The following PRDM16 variants were observed in gnomAD, a reference collection of about 807,000 sequenced individuals.
PRDM16 encodes histone-lysine N-methyltransferase PRDM16.
PRDM16 carries 23 observed loss-of-function variants against 110.6 expected under a neutral mutation model. The observed-to-expected ratio is 0.21, with a 90% CI of 0.15 to 0.29. The LOEUF (loss-of-function observed/expected upper bound fraction) is 0.29. PRDM16 is among the 10% of genes least tolerant of loss of function. The pLI is 1.00. For missense variants in PRDM16, 1,615 were observed against 1,794.3 expected (o/e 0.90, Z 1.81); for synonymous variants, 799 against 781.8 (o/e 1.02, Z -0.37).
chr1:3,181,099 CAGTCTTACACG>C (rs1644157302), intron 1 of PRDM16, among the ~76,000 whole-genome samples: 3 of 22,256 alleles, frequency 1.3e-4, no homozygotes, highest in Non-Finnish European at 6.9e-4. Flanking sequence ...CTTACACACG[CAGTCTTACACG>C]CGGCCTTACA....
intron 2 of PRDM16, among the ~76,000 whole-genome samples, chr1:3,241,088 C>T (rs1246581631): frequency 6.6e-6 from 1 of 152,174 alleles, no homozygotes; most frequent in African/African-American, 2.4e-5. Context: ...AGCCGGGGAG[C>T]GCGTCCCGCC....
intron 4 of PRDM16, among the ~76,000 whole-genome samples, chr1:3,389,867 C>T (rs1196148975): frequency 6.6e-6 from 1 of 151,826 alleles, no homozygotes; most frequent in Non-Finnish European, 1.5e-5. Flanking sequence ...TCGTGGGGGA[C>T]TTTGACTTGC....
At position 3,209,991 on chromosome 1, in the gene PRDM16, T is replaced by C. The variant is rs1030447975; in HGVS notation, c.387+23517T>C. 6.6e-6 allele frequency among the ~76,000 whole-genome samples: 1 copy of C among 152,240 alleles called. No individual in the cohort carries two copies. Among genetic ancestry groups the C allele is most frequent in the Non-Finnish European group, 1.5e-5 (1 of 68,050 alleles). On this transcript the variant is annotated intron_variant, in intron 2 of 16. Coordinates refer to ENST00000270722, the MANE Select transcript of PRDM16 (RefSeq NM_022114.4). The surrounding 1 kb of genome is among the most constrained non-coding windows in gnomAD (Gnocchi z 4.6). Reference sequence around the variant, plus strand: ...CTAGAGACATTTGCAGGAAGGTATTTGACACATTAAAGCCAATTTTCTTTC... The same window carrying C: ...CTAGAGACATTTGCAGGAAGGTATTCGACACATTAAAGCCAATTTTCTTTC...
At chr1:3,219,956 C>T (rs1276271260) in intron 2 of PRDM16, among the ~76,000 whole-genome samples, 4 of 152,132 alleles carry the variant, frequency 2.6e-5, no homozygotes, top group Admixed American at 6.5e-5. Flanking sequence ...GGGGAGATGG[C>T]GAGGCTGCGG....
chr1:3,295,256 G>T (rs576974316), intron 3 of PRDM16, among the ~76,000 whole-genome samples: 7 of 152,338 alleles, frequency 4.6e-5, no homozygotes, highest in African/African-American at 1.7e-4. Flanking sequence ...AGGACAGCTG[G>T]CTTGCAGGGT....
rs972939307 is a variant in PRDM16 at position 3,290,153 on chromosome 1, T to G, written c.438+46016T>G. Reference sequence around the variant, plus strand: ...GATGTGACAAACCCGGGCGCTGTTCTCCTGGGTATCACACCCTACGACTCC... The same window carrying G: ...GATGTGACAAACCCGGGCGCTGTTCGCCTGGGTATCACACCCTACGACTCC... On this transcript the variant is annotated intron_variant, in intron 3 of 16. Coordinates refer to ENST00000270722, the MANE Select transcript of PRDM16 (RefSeq NM_022114.4). The surrounding 1 kb of genome is among the most constrained non-coding windows in gnomAD (Gnocchi z 4.8). Among the ~76,000 whole-genome samples the G allele has an allele frequency of 1.2e-4, 18 of 152,306 alleles. No homozygotes were observed. Among genetic ancestry groups the G allele is most frequent in the Non-Finnish European group, 2.5e-4 (17 of 68,010 alleles).
intron 3 of PRDM16, among the ~76,000 whole-genome samples, chr1:3,263,384 GC>G (rs1396396795): frequency 6.6e-6 from 1 of 152,192 alleles, no homozygotes; most frequent in African/African-American, 2.4e-5. Flanking sequence ...CTCCCGTGGG[GC>G]CCCCCGCAGG....
intron 1 of PRDM16, among the ~76,000 whole-genome samples, chr1:3,070,529 T>C (rs967896622): frequency 6.7e-6 from 1 of 149,682 alleles, no homozygotes; most frequent in African/African-American, 2.4e-5. Context: ...CCCCCTCCTC[T>C]GCAGGCCGCC....
At chr1:3,249,383 C>T (rs917984379) in intron 3 of PRDM16, among the ~76,000 whole-genome samples, 4 of 152,086 alleles carry the variant, frequency 2.6e-5, no homozygotes, top group African/African-American at 7.2e-5. Context: ...AGAAGGCTTT[C>T]TGCGGCCTCC....
At chr1:3,212,300 C>G (rs2100847228) in intron 2 of PRDM16, among the ~76,000 whole-genome samples, 1 of 152,330 alleles carries the variant, frequency 6.6e-6, no homozygotes, top group South Asian at 2.1e-4. Context: ...CCCGCTGGGG[C>G]TCGGGGCTCT....
At chr1:3,253,571 G>A (rs1400564352) in intron 3 of PRDM16, among the ~76,000 whole-genome samples, 1 of 151,564 alleles carries the variant, frequency 6.6e-6, no homozygotes, top group African/African-American at 2.4e-5. Context: ...GTATTCCATG[G>A]TGTATATGTG....
At chr1:3,179,536 C>T (rs1020607881) in intron 1 of PRDM16, among the ~76,000 whole-genome samples, 1 of 152,268 alleles carries the variant, frequency 6.6e-6, no homozygotes, top group Admixed American at 6.5e-5. Context: ...ACATCCGTCC[C>T]AACACCTGGA....
At chr1:3,423,992 G>A (rs1638513635) in intron 12 of PRDM16, among the ~76,000 whole-genome samples, 1 of 152,124 alleles carries the variant, frequency 6.6e-6, no homozygotes, top group South Asian at 2.1e-4. Flanking sequence ...GCACACACAG[G>A]CATGGCACAC....
At chr1:3,161,734 G>C (rs1643898691) in intron 1 of PRDM16, among the ~76,000 whole-genome samples, 1 of 152,222 alleles carries the variant, frequency 6.6e-6, no homozygotes, top group Non-Finnish European at 1.5e-5. Context: ...TGAAATACCA[G>C]AGGTTGGTGG....
chr1:3,326,148 C>G (rs1290755054), intron 3 of PRDM16, among the ~76,000 whole-genome samples: 2 of 150,182 alleles, frequency 1.3e-5, no homozygotes. Context: ...ATCCTTGGCC[C>G]TCGTTGGCCA....
chr1:3,299,276 T>G (rs111981687), intron 3 of PRDM16, among the ~76,000 whole-genome samples: 109 of 139,918 alleles, frequency 7.8e-4, no homozygotes, highest in Middle Eastern at 3.8e-3. Context: ...GCTCTGCCCT[T>G]GTTGAAGATG....
chr1:3,132,033 G>A (rs1339704277), intron 1 of PRDM16, among the ~76,000 whole-genome samples: 1 of 152,108 alleles, frequency 6.6e-6, no homozygotes, highest in African/African-American at 2.4e-5. Context: ...CGTTTAATTC[G>A]GAGGAGAGAG....
At chr1:3,120,452 C>T (rs535162774) in intron 1 of PRDM16, among the ~76,000 whole-genome samples, 149 of 152,140 alleles carry the variant, frequency 9.8e-4, no homozygotes, top group Non-Finnish European at 1.7e-3. Context: ...CTCCTGAACT[C>T]GGGGGTCGTC....
intron 3 of PRDM16, among the ~76,000 whole-genome samples, chr1:3,259,211 A>C (rs1202346859): frequency 1.3e-5 from 2 of 152,058 alleles, no homozygotes; most frequent in African/African-American, 4.8e-5. Context: ...GGCTCGAGTC[A>C]CCCTCAGCTT....
Sources: allele counts gnomAD v4.1 joint callset (sites outside exome capture counted in the v4.1 genomes callset), GRCh38; gene constraint gnomAD v4.1.1; non-coding constraint Gnocchi (gnomAD v3.1); transcripts MANE v1.5; gene names NCBI Gene and HGNC (gene_info 2026-07-23, HGNC 2026-07-21).